Variants in NEK5 observed in about 807,000 individuals in gnomAD.
The protein encoded by NEK5 is NIMA related kinase 5.
In NEK5, 88 loss-of-function variants were observed where a neutral mutation model predicts 109.2. That is an observed-to-expected ratio of 0.81 (90% CI 0.68 to 0.96). The LOEUF is 0.96. Ranked by LOEUF, NEK5 falls within the 40% of genes least tolerant of loss-of-function variation. The pLI, the probability that NEK5 is intolerant of heterozygous loss-of-function variation, is 0.00. For missense variants in NEK5, 834 were observed against 920.7 expected, an observed-to-expected ratio of 0.91 and a Z score of 1.22; for synonymous variants, 283 against 299.9, an observed-to-expected ratio of 0.94 and a Z score of 0.58.
intron 22 of NEK5, among the ~76,000 whole-genome samples, chr13:52,061,588 G>C (rs994190897): frequency 6.6e-5 from 10 of 152,138 alleles, no homozygotes; most frequent in African/African-American, 9.7e-5. Context: ...CTTTTCACCA[G>C]TTGTCAGCTG....
chr13:52,046,119 A>G (rs1055330198), intron 23 of NEK5, among the ~76,000 whole-genome samples: 1 of 151,704 alleles, frequency 6.6e-6, no homozygotes, highest in South Asian at 2.1e-4. Flanking sequence ...TGTAATATGA[A>G]TAAAGTTAAA....
intron 4 of NEK5, among the ~76,000 whole-genome samples, chr13:52,114,409 T>G (rs1955811532): frequency 6.6e-6 from 1 of 152,250 alleles, no homozygotes; most frequent in African/African-American, 2.4e-5. Context: ...ACTGTGGATA[T>G]CAGTAACCTG....
intron 19 of NEK5, 49 bp downstream of exon 19, chr13:52,075,709 T>C (rs1954854504): frequency 5.7e-6 from 6 of 1,060,066 alleles, no homozygotes; most frequent in Non-Finnish European, 5.6e-6. Context: ...TATTAAGATA[T>C]ATGCATTTTC....
chr13:52,127,175 C>T (rs555431094), intron 3 of NEK5, among the ~76,000 whole-genome samples, 191 bp downstream of exon 3: 7 of 152,172 alleles, frequency 4.6e-5, no homozygotes, highest in African/African-American at 1.7e-4. Context: ...TGAGCCAGTG[C>T]GTCCAGCCTC....
At chr13:52,086,195 G>T in intron 16 of NEK5, 82 bp downstream of exon 16, 1 of 910,666 alleles carries the variant, frequency 1.1e-6, no homozygotes, top group South Asian at 1.4e-5. Context: ...TTTCTATAAG[G>T]AAATCATTAC....
chr13:52,061,263 G>A (rs1954612109), intron 22 of NEK5, among the ~76,000 whole-genome samples: 1 of 152,176 alleles, frequency 6.6e-6, no homozygotes, highest in Non-Finnish European at 1.5e-5. Context: ...TGCAGCTGCT[G>A]ATCTGACAGG....
chr13:52,041,985 G>C (rs1197812197), intron 23 of NEK5, among the ~76,000 whole-genome samples: 2 of 151,884 alleles, frequency 1.3e-5, no homozygotes, highest in African/African-American at 2.4e-5. Flanking sequence ...ACATACCATA[G>C]TGAAACATAA....
intron 7 of NEK5, among the ~76,000 whole-genome samples, chr13:52,109,211 G>A (rs1175436419): frequency 1.3e-5 from 2 of 152,140 alleles, no homozygotes; most frequent in Admixed American, 1.3e-4. Flanking sequence ...TTTGGCCAAG[G>A]ACATTCCAAA....
chr13:52,105,816 T>G (rs1161391479), intron 8 of NEK5, among the ~76,000 whole-genome samples: 1 of 152,202 alleles, frequency 6.6e-6, no homozygotes, highest in Non-Finnish European at 1.5e-5. Flanking sequence ...GCTAAGATCT[T>G]CCAATTTTCA....
At position 52,049,556 on chromosome 13, in the gene NEK5, A is replaced by G. The variant is rs1954486330; in HGVS notation, c.2228+548T>C. On this transcript the variant is annotated intron_variant, in intron 23 of 23. Coordinates refer to ENST00000684899, the MANE Select transcript of NEK5 (RefSeq NM_001365552.1). ...AACGTTTCTCATACTTTATAAGAGA[A>G]TGCAAAGAGGTACAGCAGGGGTGTC... Among the ~76,000 whole-genome samples the G allele has an allele frequency of 2.0e-5, 3 of 152,130 alleles. No individual in the cohort carries two copies. In the East Asian group the frequency reaches 5.8e-4, roughly 29 times the overall value.
Position 52,110,593 on chromosome 13 carries a change from A to T in NEK5, c.313-16T>A, listed in dbSNP as rs780445968. On this transcript the variant is annotated splice_polypyrimidine_tract_variant and intron_variant, in intron 5 of 23. Coordinates refer to ENST00000684899, the MANE Select transcript of NEK5 (RefSeq NM_001365552.1). Reference sequence around the variant, plus strand: ...AACCGAGGATCTATAGAGAGAACACAAAACAAAGCCACTGAATAGCCTGGT... The same window carrying T: ...AACCGAGGATCTATAGAGAGAACACTAAACAAAGCCACTGAATAGCCTGGT... The T allele has an allele frequency of 6.4e-7, 1 of 1,554,464 alleles. No individual in the cohort carries two copies. Among genetic ancestry groups the T allele is most frequent in the Non-Finnish European group, 8.9e-7 (1 of 1,129,410 alleles).
chr13:52,125,058 G>A (rs1956037741), intron 3 of NEK5, among the ~76,000 whole-genome samples: 1 of 152,208 alleles, frequency 6.6e-6, no homozygotes, highest in Non-Finnish European at 1.5e-5. Context: ...CATTAATACA[G>A]CGCAGCACAT....
chr13:52,105,279 GAGA>G (rs5803595), intron 8 of NEK5, among the ~76,000 whole-genome samples: 62,746 of 151,292 alleles, frequency 0.41, 14,909 homozygotes, highest in Non-Finnish European at 0.54. Flanking sequence ...GTGTGTCAGA[GAGA>G]AGGAGAGAGA....
chr13:52,095,534 C>T lies in NEK5; in HGVS notation c.1027-2299G>A, dbSNP rs964159353. On this transcript the variant is annotated intron_variant, in intron 12 of 23. Coordinates refer to ENST00000684899, the MANE Select transcript of NEK5 (RefSeq NM_001365552.1). ...AAATCTTTTAGATGTGTTTTCCCTT[C>T]TACAGGTCTGATAAAGAGTCCTCTG... Among the ~76,000 whole-genome samples the T allele has an allele frequency of 2.0e-5, 3 of 152,326 alleles. 1 individual carries two copies. The highest frequency in any genetic ancestry group is 4.1e-4 in the South Asian group (2 of 4,826).
At chr13:52,064,466 G>A (rs532919023) in intron 21 of NEK5, among the ~76,000 whole-genome samples, 45 of 143,922 alleles carry the variant, frequency 3.1e-4, no homozygotes, top group Non-Finnish European at 5.4e-4. Context: ...TCAGCCCCCC[G>A]CCCGGCCAGC....
At position 52,101,967 on chromosome 13, in the gene NEK5, C is replaced by CG. The variant is rs746556733; in HGVS notation, c.857dup (p.Pro287AlafsTer14). ...CCTTCCCAGCATGTCGAGAAGCTGG[C>CG]GCTCCTGCTCTGCATATAAGCATGT... On this transcript the variant is annotated frameshift_variant, in exon 11 of 24. Coordinates refer to ENST00000684899, the MANE Select transcript of NEK5 (RefSeq NM_001365552.1). LOFTEE classifies it high-confidence loss of function. 24 of 1,614,020 alleles carry CG rather than the reference C, an allele frequency of 1.5e-5. No individual in the cohort carries two copies. Among genetic ancestry groups the CG allele is most frequent in the Non-Finnish European group, 1.8e-5 (21 of 1,180,006 alleles).
chr13:52,106,092 G>C (rs1955648585), intron 8 of NEK5, among the ~76,000 whole-genome samples: 2 of 151,678 alleles, frequency 1.3e-5, no homozygotes, highest in African/African-American at 4.8e-5. Context: ...GCCCTGCTCT[G>C]AACAGCCTAC....
At position 52,075,739 on chromosome 13, in the gene NEK5, T is replaced by C; in HGVS notation, c.1722+19A>G. On this transcript the variant is annotated intron_variant, in intron 19 of 23. Coordinates refer to ENST00000684899, the MANE Select transcript of NEK5 (RefSeq NM_001365552.1). ...ATTTTCTGATACCTACTAATGGAAA[T>C]TTAGACTTAATGGCATACCTCTTCC... is the stretch of plus-strand genomic sequence containing the variant. The C allele has an allele frequency of 6.8e-7, 1 of 1,468,960 alleles. No homozygotes were observed. The highest frequency in any genetic ancestry group is 9.3e-7 in the Non-Finnish European group (1 of 1,073,056). The allele number at this position is 1,468,960 out of a possible 1,614,324, so 91.0% of individuals were successfully genotyped here.
intron 23 of NEK5, among the ~76,000 whole-genome samples, chr13:52,048,619 T>C (rs1243174737): frequency 6.6e-6 from 1 of 152,186 alleles, no homozygotes; most frequent in Non-Finnish European, 1.5e-5. Flanking sequence ...GGTGTATATA[T>C]ACAGGATGGA....
Sources: allele counts gnomAD v4.1 joint callset (sites outside exome capture counted in the v4.1 genomes callset), GRCh38; gene constraint gnomAD v4.1.1; transcripts MANE v1.5; gene names NCBI Gene and HGNC (gene_info 2026-07-23, HGNC 2026-07-21).